Variants in ATXN10 observed in about 807,000 individuals in gnomAD.
ATXN10 encodes the protein ataxin-10.
In ATXN10, 28 loss-of-function variants were observed where a neutral mutation model predicts 52.9. That is an observed-to-expected ratio of 0.53 (90% confidence interval 0.39 to 0.73). The LOEUF (loss-of-function observed/expected upper bound fraction) is 0.73, where lower values mean the gene tolerates loss of function less well. Ranked by LOEUF, ATXN10 falls within the 30% of genes least tolerant of loss-of-function variation. The pLI is 0.00. For synonymous variants in ATXN10, 226 were observed against 221.5 expected (o/e 1.02, Z -0.18); for missense variants, 565 against 577.0 (o/e 0.98, Z 0.21).
At chr22:45,782,878 C>G (rs189643816) in intron 9 of ATXN10, among the ~76,000 whole-genome samples, 6 of 152,204 alleles carry the variant, frequency 3.9e-5, no homozygotes, top group African/African-American at 9.6e-5. Context: ...AGGTTTTGTC[C>G]TATGCATATG....
At chr22:45,672,341 G>A (rs1303103559) in intron 1 of ATXN10, 162 bp downstream of exon 1, 5 of 762,462 alleles carry the variant, frequency 6.6e-6, no homozygotes, top group Non-Finnish European at 8.4e-6. Context: ...CCGACTCCCA[G>A]GCACCGCCTC....
rs1014387120 is a variant in ATXN10, at chr22:45,823,756, G to A, written c.1237+16734G>A. Among the ~76,000 whole-genome samples the A allele has an allele frequency of 3.3e-5, 5 of 152,236 alleles. No homozygotes were observed. The highest frequency in any genetic ancestry group is 1.2e-4 in the African/African-American group (5 of 41,532). ...TCGGCAGGTGTTTATTGAGTAGCTG[G>A]CATGTTATGTGCTGCACACTGTTCT... On this transcript the variant is annotated intron_variant, in intron 10 of 11. Transcript: ENST00000252934. This position sits in a 1 kb window ranked among gnomAD's most constrained non-coding sequence, Gnocchi z 4.9.
In ATXN10 at chr22:45,842,885, C is replaced by G. The variant is rs1030722186; in HGVS notation, c.1238-106C>G. 1 of 1,246,136 alleles carries G rather than the reference C, an allele frequency of 8.0e-7. No individual in the cohort carries two copies. The allele number at this position is 1,246,136 out of a possible 1,614,324, so 77.2% of individuals were successfully genotyped here. On this transcript the variant is annotated intron_variant, in intron 10 of 11. Coordinates refer to ENST00000252934, the MANE Select transcript of ATXN10 (RefSeq NM_013236.4). The surrounding 1 kb of genome is among the most constrained non-coding windows in gnomAD (Gnocchi z 4.8). ...CCTCAAGAAAACTTGTGGATTGATA[C>G]TGGATGTTCCGTGTTTCTGTGCTCC...
At chr22:45,831,155 TCA>T (rs2146909896) in intron 10 of ATXN10, among the ~76,000 whole-genome samples, 1 of 152,208 alleles carries the variant, frequency 6.6e-6, no homozygotes, top group South Asian at 2.1e-4. Flanking sequence ...GTAGTCAAAA[TCA>T]CAGAGACAGA....
At chr22:45,745,499 A>G (rs142573276) in intron 9 of ATXN10, among the ~76,000 whole-genome samples, 40 of 152,310 alleles carry the variant, frequency 2.6e-4, no homozygotes, top group African/African-American at 9.6e-4. Flanking sequence ...TCCCATGTCA[A>G]ATATATGTGC....
rs1322850509 is a variant in ATXN10, at chr22:45,775,417, G to A, written c.1174-31542G>A. 2.0e-5 allele frequency among the ~76,000 whole-genome samples: 3 copies of A among 152,174 alleles called. No individual in the cohort carries two copies. Among genetic ancestry groups the A allele is most frequent in the South Asian group, 2.1e-4 (1 of 4,832 alleles). ...CAAACATTGTGAGGGTTTGTAGAAC[G>A]GGTGGGTGCTTGCTGAAAGTTTATA... On this transcript the variant is annotated intron_variant, in intron 9 of 11. Coordinates refer to ENST00000252934, the MANE Select transcript of ATXN10 (RefSeq NM_013236.4). This position sits in a 1 kb window ranked among gnomAD's most constrained non-coding sequence, Gnocchi z 4.7.
chr22:45,751,763 A>AAAAAAAAAATAATAAT, intron 9 of ATXN10, among the ~76,000 whole-genome samples: 44 of 66,586 alleles, frequency 6.6e-4, no homozygotes, highest in East Asian at 1.2e-3. Context: ...AATAAAAAAA[A>AAAAAAAAAATAATAAT]AATAATAATA....
rs957650926 is a variant in ATXN10, at chr22:45,842,645, C to T, written c.1238-346C>T. 1.3e-5 allele frequency among the ~76,000 whole-genome samples: 2 copies of T among 152,116 alleles called. No homozygotes were observed. Among genetic ancestry groups the T allele is most frequent in the African/African-American group, 2.4e-5 (1 of 41,400 alleles). On this transcript the variant is annotated intron_variant, in intron 10 of 11. Transcript: ENST00000252934. The surrounding 1 kb of genome is among the most constrained non-coding windows in gnomAD (Gnocchi z 4.8). ...GAATGTGTGTGTGTGCACGCACACACGTTTGCCTGTGTGTGTGTTCTTGGG... is the reference window on the plus strand; with the variant it reads ...GAATGTGTGTGTGTGCACGCACACATGTTTGCCTGTGTGTGTGTTCTTGGG...
rs549602490 is a variant in ATXN10, at chr22:45,717,144, G to C, written c.648-1269G>C. ...AGGGATTGGCGAAATACCTCCTCTA[G>C]CCTGTTTGATCTTCTTGCCCCCTGT... On this transcript the variant is annotated intron_variant, in intron 5 of 11. Transcript: ENST00000252934. Among the ~76,000 whole-genome samples the C allele has an allele frequency of 4.6e-5, 7 of 151,938 alleles. No individual in the cohort carries two copies. In the East Asian group the frequency reaches 1.4e-3, roughly 29 times the overall value.
At chr22:45,808,718 G>A (rs868430414) in intron 10 of ATXN10, among the ~76,000 whole-genome samples, 41 of 152,302 alleles carry the variant, frequency 2.7e-4, no homozygotes, top group Middle Eastern at 3.4e-3. Flanking sequence ...CCTGACCTTA[G>A]CCACTTCCCC....
chr22:45,834,314 A>G (rs1010160530), intron 10 of ATXN10, among the ~76,000 whole-genome samples: 3 of 152,144 alleles, frequency 2.0e-5, no homozygotes, highest in Non-Finnish European at 4.4e-5. Context: ...CAGCCTCTTT[A>G]CCTGGCAGGT....
At position 45,684,910 on chromosome 22, in the gene ATXN10, A is replaced by G. The variant is rs528922856; in HGVS notation, c.117-4802A>G. On this transcript the variant is annotated intron_variant, in intron 1 of 11. Transcript: ENST00000252934. The surrounding 1 kb of genome is among the most constrained non-coding windows in gnomAD (Gnocchi z 4.1). Reference sequence around the variant, plus strand: ...CAAATCAGCAAGATTATGGTTTTAGATAACAACCAGTGATTGTTGTTTTAA... The same window carrying G: ...CAAATCAGCAAGATTATGGTTTTAGGTAACAACCAGTGATTGTTGTTTTAA... Among the ~76,000 whole-genome samples the G allele has an allele frequency of 1.3e-5, 2 of 152,334 alleles. No individual in the cohort carries two copies. Among genetic ancestry groups the G allele is most frequent in the South Asian group, 4.1e-4 (2 of 4,824 alleles).
At chr22:45,836,276 A>T (rs965781630) in intron 10 of ATXN10, among the ~76,000 whole-genome samples, 3 of 152,242 alleles carry the variant, frequency 2.0e-5, no homozygotes, top group Non-Finnish European at 4.4e-5. Flanking sequence ...ATGAAGGTGG[A>T]AGTAAAGTGA....
chr22:45,836,455 C>T (rs1246914643), intron 10 of ATXN10, among the ~76,000 whole-genome samples: 3 of 152,162 alleles, frequency 2.0e-5, no homozygotes, highest in Non-Finnish European at 4.4e-5. Context: ...ACCCTGCGAG[C>T]GGGAGCTCTT....
intron 6 of ATXN10, among the ~76,000 whole-genome samples, chr22:45,719,494 G>C (rs573740319): frequency 4.5e-4 from 68 of 151,928 alleles, no homozygotes; most frequent in Non-Finnish European, 6.9e-4. Context: ...TACAGATAGA[G>C]AAGTATTTGT....
chr22:45,738,602 C>A, intron 7 of ATXN10, 129 bp from the exon 8 acceptor site: 1 of 764,000 alleles, frequency 1.3e-6, no homozygotes, highest in Non-Finnish European at 2.1e-6. Flanking sequence ...TTTTGTTTTT[C>A]TCTTTGACTT....
At chr22:45,811,726 T>C (rs1326777150) in intron 10 of ATXN10, 2 of 471,066 alleles carry the variant, frequency 4.2e-6, no homozygotes, top group Admixed American at 4.7e-5. Context: ...ACTTGCATCA[T>C]TGCTGGCCCT....
intron 8 of ATXN10, among the ~76,000 whole-genome samples, chr22:45,739,356 A>T (rs922828777): frequency 3.3e-5 from 5 of 152,208 alleles, no homozygotes; most frequent in Admixed American, 2.6e-4. Context: ...AAATAATTCA[A>T]GTAGAACCTG....
At chr22:45,694,321 A>C (rs548974161) in intron 3 of ATXN10, among the ~76,000 whole-genome samples, 18 of 152,294 alleles carry the variant, frequency 1.2e-4, no homozygotes, top group Non-Finnish European at 2.1e-4. Flanking sequence ...CAGGAATTGA[A>C]ATACTTTATG....
Sources: gnomAD v4.1 joint callset for allele counts (sites outside exome capture counted in the v4.1 genomes callset) on GRCh38, gnomAD v4.1.1 for gene constraint, Gnocchi (gnomAD v3.1) non-coding constraint, MANE v1.5 for transcripts, NCBI Gene and HGNC (gene_info 2026-07-23, HGNC 2026-07-21) for gene names.